Variants in CCDC171 observed in about 807,000 individuals in gnomAD.
CCDC171 encodes coiled-coil domain-containing protein 171.
A neutral mutation model predicts 168.2 loss-of-function variants in CCDC171; 177 were observed. The ratio of observed to expected loss-of-function variants is 1.05; its 90% CI spans 0.93 to 1.19. The LOEUF (loss-of-function observed/expected upper bound fraction) is 1.19. Among genes scored for constraint, CCDC171 ranks in the 50% most tolerant of loss-of-function variants. The pLI, the probability that CCDC171 is intolerant of heterozygous loss-of-function variation, is 0.00. For synonymous variants in CCDC171, 687 were observed against 540.8 expected (o/e 1.27, Z -3.75); for missense variants, 1,991 against 1,539.0 (o/e 1.29, Z -4.91).
chr9:15,813,541 C>G (rs1563790349), intron 21 of CCDC171, among the ~76,000 whole-genome samples: 1 of 151,946 alleles, frequency 6.6e-6, no homozygotes, highest in African/African-American at 2.4e-5. Flanking sequence ...TTTTTCCTCC[C>G]CAGAAGTAAT....
chr9:15,586,064 C>G (rs1190374700), intron 4 of CCDC171, among the ~76,000 whole-genome samples: 2 of 152,092 alleles, frequency 1.3e-5, no homozygotes, highest in Non-Finnish European at 2.9e-5. Flanking sequence ...AAAAATAAAA[C>G]TATATTACAT....
chr9:15,976,410 A>G (rs1831621188), downstream of CCDC171, among the ~76,000 whole-genome samples: 1 of 152,152 alleles, frequency 6.6e-6, no homozygotes, highest in Non-Finnish European at 1.5e-5. Context: ...TTGGGCCAGC[A>G]TAGAGTCACA....
At chr9:15,718,775 AATGCAGAT>A (rs1347853096) in intron 11 of CCDC171, among the ~76,000 whole-genome samples, 5 of 152,224 alleles carry the variant, frequency 3.3e-5, no homozygotes, top group African/African-American at 1.2e-4. Flanking sequence ...GGTGCCCCCT[AATGCAGAT>A]ATAGCTGCAG....
At chr9:15,560,592 A>G (rs1158190348) in intron 1 of CCDC171, among the ~76,000 whole-genome samples, 1 of 151,978 alleles carries the variant, frequency 6.6e-6, no homozygotes, top group Non-Finnish European at 1.5e-5. Flanking sequence ...TCATTCAGGG[A>G]TTTCTCTACA....
chr9:15,770,103 A>G (rs2056934753), intron 18 of CCDC171, among the ~76,000 whole-genome samples: 1 of 152,194 alleles, frequency 6.6e-6, no homozygotes, highest in African/African-American at 2.4e-5. Flanking sequence ...ATGTTGTAAA[A>G]CGAACTATCG....
At chr9:16,092,168 A>G in the CCDC171 span, among the ~76,000 whole-genome samples, 1 of 152,234 alleles carries the variant, frequency 6.6e-6, no homozygotes, top group East Asian at 1.9e-4. Flanking sequence ...CAGCTCTGGG[A>G]CCACTCCAGG....
intron 25 of CCDC171, among the ~76,000 whole-genome samples, chr9:15,940,548 A>G (rs192562125): frequency 3.4e-4 from 52 of 152,134 alleles, no homozygotes; most frequent in African/African-American, 1.2e-3. Flanking sequence ...AAAAGGTACT[A>G]TCTATCATCA....
chr9:15,932,250 TA>T (rs1488927763), intron 25 of CCDC171, among the ~76,000 whole-genome samples: 7 of 152,016 alleles, frequency 4.6e-5, no homozygotes, highest in African/African-American at 1.7e-4. Context: ...GAACATGGGA[TA>T]TCTTTTCATT....
chr9:15,580,621 A>G (rs2041033965), intron 4 of CCDC171, among the ~76,000 whole-genome samples: 1 of 152,140 alleles, frequency 6.6e-6, no homozygotes, highest in Non-Finnish European at 1.5e-5. Flanking sequence ...CAAAAAACAT[A>G]TGAAAAAATG....
chr9:15,676,316 G>C (rs924480948), intron 9 of CCDC171, among the ~76,000 whole-genome samples: 12 of 152,154 alleles, frequency 7.9e-5, no homozygotes, highest in African/African-American at 2.9e-4. Context: ...TGATGGGTTA[G>C]AACATGCTCC....
At chr9:15,888,479 T>A (rs1819732655) in intron 24 of CCDC171, among the ~76,000 whole-genome samples, 1 of 152,222 alleles carries the variant, frequency 6.6e-6, no homozygotes, top group Non-Finnish European at 1.5e-5. Flanking sequence ...TTTCCATATT[T>A]TGAAACATTT....
rs1305535106 is a variant in CCDC171, at chr9:15,623,359, A to G, written c.768A>G (p.Thr256=). 1.9e-6 allele frequency: 3 copies of G among 1,612,466 alleles called. No individual in the cohort carries two copies. Among genetic ancestry groups the G allele is most frequent in the East Asian group, 2.2e-5 (1 of 44,828 alleles). The change falls in exon 7 of 26, where the codon ACA becomes ACG. Residue 256 remains threonine (T), a synonymous_variant. Coordinates refer to ENST00000380701, the MANE Select transcript of CCDC171 (RefSeq NM_173550.4). ...MDCSDLLRRQ[T]SELEFSTQRE... is the part of the protein sequence containing the mutation. The stretch of plus-strand genomic sequence containing the variant: ...GCTCTGACCTTTTACGGCGACAAAC[A>G]AGTGAACTTGAATTTAGCACTCAAC...
chr9:15,762,437 G>T (rs1053594020), intron 18 of CCDC171, among the ~76,000 whole-genome samples: 1 of 152,100 alleles, frequency 6.6e-6, no homozygotes, highest in Non-Finnish European at 1.5e-5. Flanking sequence ...GTCAACTATG[G>T]TAGCCTACAC....
At chr9:15,899,670 C>A (rs541028724) in intron 24 of CCDC171, among the ~76,000 whole-genome samples, 1 of 152,200 alleles carries the variant, frequency 6.6e-6, no homozygotes, top group Non-Finnish European at 1.5e-5. Context: ...TATTCTCTTT[C>A]GTAAAATGTA....
intron 7 of CCDC171, among the ~76,000 whole-genome samples, chr9:15,637,266 CAAAAG>C (rs1441540325): frequency 6.6e-6 from 1 of 151,880 alleles, no homozygotes; most frequent in African/African-American, 2.4e-5. Flanking sequence ...AAAAACAAAA[CAAAAG>C]AAAAAGTAAT....
intron 25 of CCDC171, among the ~76,000 whole-genome samples, chr9:15,930,323 TAC>T (rs1270459787): frequency 4.6e-5 from 7 of 151,636 alleles, no homozygotes; most frequent in African/African-American, 1.7e-4. Context: ...TAGAATAATT[TAC>T]ATATTCTATA....
At chr9:15,621,901 C>T (rs930399084) in intron 6 of CCDC171, among the ~76,000 whole-genome samples, 2 of 152,092 alleles carry the variant, frequency 1.3e-5, no homozygotes, top group African/African-American at 4.8e-5. Context: ...CAGTGTTAGA[C>T]TAGATAAAGA....
At chr9:15,958,587 G>C (rs1245034730) in intron 25 of CCDC171, among the ~76,000 whole-genome samples, 1 of 147,924 alleles carries the variant, frequency 6.8e-6, no homozygotes, top group African/African-American at 2.5e-5. Flanking sequence ...GCCAGGAAAA[G>C]TTTGGGGTAA....
rs567994180 is a variant in CCDC171, at chr9:15,908,865, G to T, written c.3601-11405G>T. ...TGGTTTTAAAGCACCAAGCCATGAG[G>T]GATCTCCGCTCATGATCCAAATACC... On this transcript the variant is annotated intron_variant, in intron 24 of 25. Coordinates refer to ENST00000380701, the MANE Select transcript of CCDC171 (RefSeq NM_173550.4). 8.9e-4 allele frequency among the ~76,000 whole-genome samples: 136 copies of T among 152,190 alleles called. 1 individual carries two copies. The highest frequency in any genetic ancestry group is 2.6e-3 in the African/African-American group (108 of 41,532).
Sources: allele counts gnomAD v4.1 joint callset (sites outside exome capture counted in the v4.1 genomes callset), GRCh38; gene constraint gnomAD v4.1.1; transcripts MANE v1.5; gene names NCBI Gene and HGNC (gene_info 2026-07-23, HGNC 2026-07-21).